The following BTBD1 variants were observed in gnomAD, a reference collection of about 807,000 sequenced individuals.
BTBD1 encodes BTB/POZ domain-containing protein 1.
In BTBD1, 34 loss-of-function variants were observed where a neutral mutation model predicts 48.0. The observed-to-expected ratio is 0.71, with a 90% CI of 0.54 to 0.94. The LOEUF (loss-of-function observed/expected upper bound fraction) is 0.94, where lower values mean the gene tolerates loss of function less well. BTBD1 is among the 40% of genes least tolerant of loss of function. The pLI, the probability that BTBD1 is intolerant of heterozygous loss-of-function variation, is 0.00. For missense variants in BTBD1, 543 were observed against 625.6 expected (o/e 0.87, Z 1.41); for synonymous variants, 261 against 242.1 (o/e 1.08, Z -0.72).
rs750918765 is a variant in BTBD1, at chr15:83,066,932, C to A, written c.220G>T (p.Val74Leu). The A allele has an allele frequency of 5.1e-6, 8 of 1,569,602 alleles. No individual in the cohort carries two copies. The highest frequency in any genetic ancestry group is 6.0e-6 in the Non-Finnish European group (7 of 1,161,448). ...NSELLSDVRF[V>L]LGKGRGAAAA... ...GCGGCGCCGCGACCCTTGCCCAGTA[C>A]GAAGCGCACATCGCTCAGCAGCTCC... Residue 74 changes from valine to leucine, a missense_variant, in exon 1 of 8, where the codon GTA (valine) becomes TTA (leucine). By Grantham distance (32) the Val-to-Leu change is conservative. Coordinates refer to ENST00000261721, the MANE Select transcript of BTBD1 (RefSeq NM_025238.4).
At chr15:83,044,769 T>C (rs1724645354) in intron 3 of BTBD1, 6 of 1,432,538 alleles carry the variant, frequency 4.2e-6, no homozygotes, top group Non-Finnish European at 5.8e-6. Flanking sequence ...AAAAGTAGAA[T>C]AAAAATTCCA....
chr15:83,045,230 T>C (rs1301422423), intron 3 of BTBD1, among the ~76,000 whole-genome samples: 1 of 152,214 alleles, frequency 6.6e-6, no homozygotes, highest in Non-Finnish European at 1.5e-5. Flanking sequence ...GCACAGTGGC[T>C]CACTCTTGTA....
chr15:83,058,274 A>G (rs987877983), intron 1 of BTBD1, among the ~76,000 whole-genome samples: 12 of 152,294 alleles, frequency 7.9e-5, no homozygotes, highest in East Asian at 5.8e-4. Flanking sequence ...TTCATCCATC[A>G]ATCAGCTTCC....
chr15:83,050,422 T>C lies in BTBD1; in HGVS notation c.559-244A>G, dbSNP rs939911338. On this transcript the variant is annotated intron_variant, in intron 2 of 7. Coordinates refer to ENST00000261721, the MANE Select transcript of BTBD1 (RefSeq NM_025238.4). ...ATTACCAATACCAATCCTGTTATTT[T>C]TATGTGCTTGTGTGTGTGTGTGTGT... Among the ~76,000 whole-genome samples the C allele has an allele frequency of 2.9e-5, 4 of 136,504 alleles. No individual in the cohort carries two copies. The East Asian group carries it at 7.9e-4, about 27-fold the overall frequency. 89.6% of individuals were successfully genotyped at this position (136,504 alleles called of 152,430 possible). A position where few individuals can be genotyped will look rare whatever the true frequency, so the allele number is the denominator to read the frequency against.
chr15:83,037,836 G>A (rs111701791), intron 4 of BTBD1, among the ~76,000 whole-genome samples: 29,137 of 152,060 alleles, frequency 0.19, 3,005 homozygotes, highest in Non-Finnish European at 0.22. Flanking sequence ...TAATCCCAGC[G>A]CTTTGGGAGG....
chr15:83,058,438 G>A (rs1042290898), intron 1 of BTBD1, among the ~76,000 whole-genome samples: 6 of 152,052 alleles, frequency 3.9e-5, no homozygotes, highest in African/African-American at 1.2e-4. Flanking sequence ...TCTTAAACTA[G>A]AAAACTATGA....
intron 3 of BTBD1, among the ~76,000 whole-genome samples, chr15:83,045,081 T>C (rs1248514192): frequency 1.3e-5 from 2 of 152,232 alleles, no homozygotes; most frequent in African/African-American, 4.8e-5. Flanking sequence ...CTAATAGTTA[T>C]ACTTTAAATT....
At chr15:83,052,165 C>T (rs2033000112) in intron 2 of BTBD1, among the ~76,000 whole-genome samples, 1 of 152,120 alleles carries the variant, frequency 6.6e-6, no homozygotes, top group African/African-American at 2.4e-5. Context: ...CCATGTTGGC[C>T]AGGCTGGTCT....
chr15:83,058,939 A>C (rs1301672482), intron 1 of BTBD1, among the ~76,000 whole-genome samples: 1 of 152,206 alleles, frequency 6.6e-6, no homozygotes, highest in Non-Finnish European at 1.5e-5. Flanking sequence ...CTCCAGGAAC[A>C]AGAGAGAATC....
chr15:83,052,679 G>A (rs2033011080), intron 2 of BTBD1, among the ~76,000 whole-genome samples: 1 of 147,782 alleles, frequency 6.8e-6, no homozygotes, highest in African/African-American at 2.5e-5. Flanking sequence ...CGCCCAGGCT[G>A]GAGTGCAGTG....
chr15:83,037,898 A>G (rs2032660116), intron 4 of BTBD1, among the ~76,000 whole-genome samples: 1 of 152,184 alleles, frequency 6.6e-6, no homozygotes, highest in Non-Finnish European at 1.5e-5. Flanking sequence ...AGCCTGGCCA[A>G]CATGGTGAAA....
At chr15:83,051,873 T>TACACACACACAC (rs766997533) in intron 2 of BTBD1, among the ~76,000 whole-genome samples, 31 of 23,686 alleles carry the variant, frequency 1.3e-3, no homozygotes, top group African/African-American at 5.6e-3. Flanking sequence ...TTTTTCCATA[T>TACACACACACAC]ATATACACAC....
chr15:83,038,401 G>T (rs1003277440), intron 4 of BTBD1, among the ~76,000 whole-genome samples: 3 of 152,246 alleles, frequency 2.0e-5, no homozygotes, highest in African/African-American at 7.2e-5. Context: ...AATCACAGAT[G>T]ACACAAACAA....
At chr15:83,037,824 T>G (rs915090506) in intron 4 of BTBD1, among the ~76,000 whole-genome samples, 1 of 152,218 alleles carries the variant, frequency 6.6e-6, no homozygotes, top group Non-Finnish European at 1.5e-5. Flanking sequence ...GGCTCACGCC[T>G]GTAATCCCAG....
Position 83,018,706 on chromosome 15 carries a change from C to CT in BTBD1, c.1290dup (p.Gly431ArgfsTer17). On this transcript the variant is annotated frameshift_variant and splice_region_variant. Coordinates refer to ENST00000261721, the MANE Select transcript of BTBD1 (RefSeq NM_025238.4). LOFTEE classifies it high-confidence loss of function. The stretch of plus-strand genomic sequence containing the variant: ...TCTGGAACATAGTGCATGACTCTTA[C>CT]TTTGAGTGTTGCACATGCTGTGTAG... The CT allele has an allele frequency of 6.2e-7, 1 of 1,613,596 alleles. No individual in the cohort carries two copies. Among genetic ancestry groups the CT allele is most frequent in the South Asian group, 1.1e-5 (1 of 90,960 alleles).
At chr15:83,033,429 T>C (rs371723075) in intron 4 of BTBD1, among the ~76,000 whole-genome samples, 6 of 152,266 alleles carry the variant, frequency 3.9e-5, no homozygotes, top group East Asian at 1.9e-4. Context: ...AAAAGGATTA[T>C]TGACTTTAAA....
chr15:83,060,624 T>C (rs1437376789), intron 1 of BTBD1, among the ~76,000 whole-genome samples: 2 of 151,904 alleles, frequency 1.3e-5, no homozygotes, highest in Non-Finnish European at 2.9e-5. Flanking sequence ...TAAAACCCCA[T>C]CTCTACTAAA....
rs2032767052 is a variant in BTBD1, at chr15:83,041,861, A to G, written c.729T>C (p.Ala243=). 2 of 1,614,072 alleles carry G rather than the reference A, an allele frequency of 1.2e-6. No homozygotes were observed. Among genetic ancestry groups the G allele is most frequent in the Admixed American group, 1.7e-5 (1 of 60,004 alleles). The change falls in exon 4 of 8, where the codon GCT becomes GCC. Residue 243 remains alanine (A), a synonymous_variant. Coordinates refer to ENST00000261721, the MANE Select transcript of BTBD1 (RefSeq NM_025238.4). ...LSIRESRLFG[A]VVRWAEAECQ... ...ATTCTGCTTCTGCCCAGCGTACAACAGCTCCAAAAAGTCGACTTTCTCGAA... is the reference window on the plus strand; with the variant it reads ...ATTCTGCTTCTGCCCAGCGTACAACGGCTCCAAAAAGTCGACTTTCTCGAA...
intron 1 of BTBD1, among the ~76,000 whole-genome samples, chr15:83,059,855 G>C (rs907267240): frequency 6.6e-6 from 1 of 152,146 alleles, no homozygotes; most frequent in South Asian, 2.1e-4. Flanking sequence ...GCCTCCCCAA[G>C]TGCTGGGATT....
Sources: gnomAD v4.1 joint callset for allele counts (sites outside exome capture counted in the v4.1 genomes callset) on GRCh38, gnomAD v4.1.1 for gene constraint, MANE v1.5 for transcripts, NCBI Gene and HGNC (gene_info 2026-07-23, HGNC 2026-07-21) for gene names.